Variants in NRXN3 observed in about 807,000 individuals in gnomAD.
NRXN3 encodes neurexin III.
A neutral mutation model predicts 137.6 loss-of-function variants in NRXN3; 32 were observed. The ratio of observed to expected loss-of-function variants is 0.23; its 90% CI spans 0.18 to 0.31. NRXN3 has a LOEUF of 0.31. NRXN3 is among the 10% of genes least tolerant of loss of function. The probability of loss-of-function intolerance (pLI) is 1.00; values close to 1 mark genes in which losing one functional copy is unlikely to be tolerated. For missense variants in NRXN3, 1,574 were observed against 2,062.5 expected, an observed-to-expected ratio of 0.76 and a Z score of 4.59; for synonymous variants, 798 against 784.5, an observed-to-expected ratio of 1.02 and a Z score of -0.29.
intron 4 of NRXN3, among the ~76,000 whole-genome samples, chr14:78,635,801 C>T (rs74336441): frequency 4.3e-4 from 66 of 152,176 alleles, no homozygotes; most frequent in Non-Finnish European, 7.8e-4. Flanking sequence ...CTTCAAAATT[C>T]TATGTGAAAC....
chr14:78,870,953 C>T (rs2099099856), intron 10 of NRXN3, among the ~76,000 whole-genome samples: 1 of 150,752 alleles, frequency 6.6e-6, no homozygotes, highest in Admixed American at 6.7e-5. Flanking sequence ...TTTCTTTATC[C>T]ATTCATCTAC....
At chr14:78,741,511 C>G (rs549807135) in intron 8 of NRXN3, among the ~76,000 whole-genome samples, 1 of 152,192 alleles carries the variant, frequency 6.6e-6, no homozygotes, top group South Asian at 2.1e-4. Context: ...TTTTGAATCA[C>G]TTTATTGAGG....
chr14:78,662,039 C>T (rs1235223864), intron 6 of NRXN3, among the ~76,000 whole-genome samples: 1 of 150,122 alleles, frequency 6.7e-6, no homozygotes, highest in African/African-American at 2.4e-5. Context: ...CCACACCCAG[C>T]TAATTTTTGT....
At chr14:78,397,986 G>A (rs574539500) in intron 4 of NRXN3, among the ~76,000 whole-genome samples, 2 of 150,912 alleles carry the variant, frequency 1.3e-5, no homozygotes, top group African/African-American at 4.8e-5. Flanking sequence ...AGGCTGAGGT[G>A]GGCAGATCAC....
At chr14:78,727,165 T>G (rs567508727) in intron 8 of NRXN3, among the ~76,000 whole-genome samples, 1 of 152,166 alleles carries the variant, frequency 6.6e-6, no homozygotes, top group Non-Finnish European at 1.5e-5. Context: ...TATTGTGGTT[T>G]TAAGTTCCTT....
intron 4 of NRXN3, among the ~76,000 whole-genome samples, chr14:78,421,697 T>C (rs2093452568): frequency 6.6e-6 from 1 of 152,196 alleles, no homozygotes; most frequent in Admixed American, 6.5e-5. Context: ...TTTCATTTTA[T>C]TTTTTAAAAA....
At chr14:78,437,322 T>A (rs1567587215) in intron 4 of NRXN3, among the ~76,000 whole-genome samples, 3 of 146,838 alleles carry the variant, frequency 2.0e-5, no homozygotes, top group African/African-American at 2.7e-5. Flanking sequence ...TATGGTGGTT[T>A]ATTTTTTTCT....
intron 8 of NRXN3, among the ~76,000 whole-genome samples, chr14:78,792,045 A>G (rs1278916935): frequency 1.3e-5 from 2 of 151,352 alleles, no homozygotes; most frequent in Non-Finnish European, 2.9e-5. Flanking sequence ...CAACAGAACA[A>G]TAAAGTTAAA....
At chr14:79,419,896 G>C (rs915262856) in intron 15 of NRXN3, among the ~76,000 whole-genome samples, 3 of 152,154 alleles carry the variant, frequency 2.0e-5, no homozygotes, top group African/African-American at 7.2e-5. Flanking sequence ...ATGAGATAAG[G>C]AGCTGCAGAA....
chr14:78,295,810 G>T (rs1008403373), intron 3 of NRXN3, among the ~76,000 whole-genome samples: 17 of 151,936 alleles, frequency 1.1e-4, no homozygotes, highest in African/African-American at 4.1e-4. Context: ...AATGATAGAG[G>T]TTTTTACGAG....
chr14:78,510,572 A>G (rs948149882), intron 4 of NRXN3, among the ~76,000 whole-genome samples: 14 of 152,226 alleles, frequency 9.2e-5, no homozygotes, highest in Non-Finnish European at 1.5e-5. Flanking sequence ...GAAATAACTC[A>G]CACATGTAAA....
chr14:78,645,484 T>A (rs2097677306), intron 5 of NRXN3, 63 bp downstream of exon 5: 1 of 1,417,466 alleles, frequency 7.1e-7, no homozygotes, highest in Non-Finnish European at 9.4e-7. Context: ...AGTAAATTTG[T>A]GAAGCAGGTG....
chr14:79,611,846 T>C (rs2098107125), intron 16 of NRXN3: 2 of 152,182 alleles, frequency 1.3e-5, no homozygotes, highest in Admixed American at 1.3e-4. Flanking sequence ...AAATGGAAAA[T>C]ATCTGAGGAT....
At chr14:78,779,271 A>G (rs557960454) in intron 8 of NRXN3, among the ~76,000 whole-genome samples, 62 of 152,252 alleles carry the variant, frequency 4.1e-4, no homozygotes, top group African/African-American at 1.4e-3. Flanking sequence ...ATAAAGGAAC[A>G]GAAGCAAAAT....
intron 15 of NRXN3, among the ~76,000 whole-genome samples, chr14:79,387,717 A>G (rs1443685666): frequency 1.3e-5 from 2 of 151,994 alleles, no homozygotes; most frequent in Non-Finnish European, 2.9e-5. Context: ...ATGTCCAACA[A>G]TGATAGACTG....
rs117504924 is a variant in NRXN3 at position 78,567,706 on chromosome 14, A to G, written c.758-77414A>G. ...TGGCTTTATTATGAATAATAATAAT[A>G]GTAAATAAACATTATTATTATTAGT... On this transcript the variant is annotated intron_variant, in intron 4 of 20. Transcript: ENST00000335750. Among the ~76,000 whole-genome samples, 20 of 152,260 alleles carry G rather than the reference A, an allele frequency of 1.3e-4. No homozygotes were observed. In the East Asian group the frequency reaches 3.5e-3, roughly 27 times the overall value.
chr14:79,707,543 T>C (rs1266229570), intron 19 of NRXN3, among the ~76,000 whole-genome samples: 1 of 152,110 alleles, frequency 6.6e-6, no homozygotes, highest in Non-Finnish European at 1.5e-5. Context: ...ACTTCAAGGG[T>C]AGGTTAAGAT....
intron 16 of NRXN3, among the ~76,000 whole-genome samples, chr14:79,499,074 A>G (rs2096794680): frequency 1.3e-5 from 2 of 152,198 alleles, no homozygotes; most frequent in Admixed American, 1.3e-4. Context: ...AGAAGCCAGA[A>G]TGGTATTTTT....
At chr14:78,938,856 T>C (rs868173846) in intron 10 of NRXN3, among the ~76,000 whole-genome samples, 15 of 134,954 alleles carry the variant, frequency 1.1e-4, no homozygotes, top group Admixed American at 4.6e-4. Flanking sequence ...TTCTTTTTTT[T>C]TTTTTTTTGA....
Sources: allele counts gnomAD v4.1 joint callset (sites outside exome capture counted in the v4.1 genomes callset), GRCh38; gene constraint gnomAD v4.1.1; transcripts MANE v1.5; gene names NCBI Gene and HGNC (gene_info 2026-07-23, HGNC 2026-07-21).